MPDZ: variants seen among roughly 807,000 people sequenced by gnomAD.
The protein encoded by MPDZ is multiple PDZ domain crumbs cell polarity complex component.
A neutral mutation model predicts 239.1 loss-of-function variants in MPDZ; 234 were observed. The ratio of observed to expected loss-of-function variants is 0.98; its 90% CI spans 0.88 to 1.09. The LOEUF (loss-of-function observed/expected upper bound fraction) is 1.09, where lower values mean the gene tolerates loss of function less well. MPDZ is among the 50% of genes least tolerant of loss of function. The pLI is 0.00. For missense variants in MPDZ, 3,175 were observed against 2,510.0 expected (o/e 1.26, Z -5.66); for synonymous variants, 1,048 against 881.3 (o/e 1.19, Z -3.35).
intron 19 of MPDZ, among the ~76,000 whole-genome samples, chr9:13,176,954 G>A (rs1002303427): frequency 1.8e-4 from 28 of 152,040 alleles, no homozygotes; most frequent in African/African-American, 3.4e-4. Context: ...TCAAATTATC[G>A]TAGGAAAAAT....
In MPDZ at chr9:13,190,254, C is replaced by A. The variant is rs942965901; in HGVS notation, c.2014G>T (p.Asp672Tyr). The A allele has an allele frequency of 3.1e-6, 5 of 1,610,546 alleles. 1 individual carries two copies. The Admixed American group carries it at 6.7e-5, about 22-fold the overall frequency. Residue 672 changes from aspartate to tyrosine, a missense_variant, in exon 16 of 47, where the codon GAT (aspartate) becomes TAT (tyrosine). Physicochemically the swap from Asp to Tyr is radical, Grantham distance 160 (BLOSUM62 -3). Transcript: ENST00000319217. ...GEFIGSSETE[D>Y]PVLAMTDAGQ... ...GCATCAGTCATCGCCAGCACTGGATCCTCTGTCTCTGATGACCCGATGAAC... is the reference window on the plus strand; with the variant it reads ...GCATCAGTCATCGCCAGCACTGGATACTCTGTCTCTGATGACCCGATGAAC...
chr9:13,277,500 G>C lies in MPDZ; in HGVS notation c.-58+1900C>G, dbSNP rs186192186. 1.2e-4 allele frequency among the ~76,000 whole-genome samples: 18 copies of C among 152,220 alleles called. No individual in the cohort carries two copies. In the East Asian group the frequency reaches 3.3e-3, roughly 28 times the overall value. On this transcript the variant is annotated intron_variant, in intron 1 of 46. Transcript: ENST00000319217. ...AAGGGTACAGGTGCCTCCATCCAAA[G>C]CTTAGTATTGTATTAGAAGATCAAG...
At chr9:13,188,063 A>G (rs1370166200) in intron 17 of MPDZ, among the ~76,000 whole-genome samples, 1 of 152,114 alleles carries the variant, frequency 6.6e-6, no homozygotes, top group Non-Finnish European at 1.5e-5. Context: ...ACTTGAAGCC[A>G]CTCTGACAGA....
At chr9:13,141,088 T>A (rs2132505979) in intron 27 of MPDZ, 1 of 129,472 alleles carries the variant, frequency 7.7e-6, no homozygotes, top group Admixed American at 7.8e-5. Flanking sequence ...GGGTCATAGG[T>A]CCTATTTCGA....
chr9:13,150,785 A>C, intron 24 of MPDZ, 97 bp from the exon 25 acceptor site: 2 of 755,530 alleles, frequency 2.6e-6, no homozygotes, highest in Non-Finnish European at 3.7e-6. Flanking sequence ...TATAACACCA[A>C]AGGCACAGAG....
At position 13,267,931 on chromosome 9, in the gene MPDZ, C is replaced by T. The variant is rs191978216; in HGVS notation, c.-58+11469G>A. 8.5e-5 allele frequency among the ~76,000 whole-genome samples: 13 copies of T among 152,262 alleles called. No individual in the cohort carries two copies. In the East Asian group the frequency reaches 2.3e-3, roughly 27 times the overall value. ...ATCTCAAAGGAAGAACTTCAGCTCC[C>T]TTTTCCTTCACGCACAAAGTAGCAA... On this transcript the variant is annotated intron_variant, in intron 1 of 46. Transcript: ENST00000319217.
intron 19 of MPDZ, among the ~76,000 whole-genome samples, chr9:13,177,556 C>T (rs1952665010): frequency 6.6e-6 from 1 of 152,060 alleles, no homozygotes; most frequent in South Asian, 2.1e-4. Context: ...ACTTTTTTTG[C>T]AGTATCTTTT....
At chr9:13,244,720 T>C (rs1301145744) in intron 3 of MPDZ, among the ~76,000 whole-genome samples, 1 of 152,174 alleles carries the variant, frequency 6.6e-6, no homozygotes, top group East Asian at 1.9e-4. Flanking sequence ...GCAGTCTTAA[T>C]ACTGAAGAAG....
rs1239859894 is a variant in MPDZ at position 13,175,824 on chromosome 9, C to G, written c.2983G>C (p.Val995Leu). The change falls in exon 21 of 47, where the codon GTC becomes CTC. Residue 995 changes from valine to leucine, a missense_variant. Coordinates refer to ENST00000319217, the MANE Select transcript of MPDZ (RefSeq NM_001378778.1). ...TCTTTAGATACATTTTGAAGCATGA[C>G]ACACTCAGCATTACAGGCCAGGGAG... Reference protein sequence around the residue: ...QSSLACNAECVMLQNVSKESF... With the variant: ...QSSLACNAECLMLQNVSKESF... The G allele has an allele frequency of 1.3e-6, 2 of 1,590,192 alleles. No individual in the cohort carries two copies. Among genetic ancestry groups the G allele is most frequent in the South Asian group, 1.1e-5 (1 of 87,010 alleles).
rs1174939491 is a variant in MPDZ, at chr9:13,106,880, A to G, written c.*85T>C. On this transcript the variant is annotated 3_prime_UTR_variant, in exon 47 of 47. Transcript: ENST00000319217. ...CAGTTTTGAAGACCCGGCTGAACAC[A>G]GCATAAAAATTGTCAGGACCAGTGC... 1.4e-6 allele frequency: 2 copies of G among 1,458,828 alleles called. No individual in the cohort carries two copies. Among genetic ancestry groups the G allele is most frequent in the African/African-American group, 2.8e-5 (2 of 72,608 alleles). The allele number at this position is 1,458,828 out of a possible 1,614,324, so 90.4% of individuals were successfully genotyped here.
intron 1 of MPDZ, among the ~76,000 whole-genome samples, chr9:13,277,280 G>A (rs1004164802): frequency 4.6e-5 from 7 of 151,898 alleles, no homozygotes; most frequent in African/African-American, 7.3e-5. Context: ...ACTAGAGAAG[G>A]TAAGTGAAAA....
chr9:13,242,390 T>G (rs1271979716), intron 3 of MPDZ, among the ~76,000 whole-genome samples: 1 of 151,892 alleles, frequency 6.6e-6, no homozygotes, highest in African/African-American at 2.4e-5. Context: ...CACGCTCGGC[T>G]AATTTTTGTA....
chr9:13,150,766 T>C, intron 24 of MPDZ, 78 bp from the exon 25 acceptor site: 1 of 985,462 alleles, frequency 1.0e-6, no homozygotes, highest in Non-Finnish European at 1.3e-6. Context: ...TTGGCAATGA[T>C]TTCTTATATA....
chr9:13,125,490 G>A, intron 34 of MPDZ, 100 bp from the exon 35 acceptor site: 2 of 1,091,830 alleles, frequency 1.8e-6, no homozygotes, highest in Non-Finnish European at 2.6e-6. Flanking sequence ...TCTCTCTATG[G>A]TTAAGGGGAG....
At chr9:13,131,305 C>T (rs1478433287) in intron 32 of MPDZ, among the ~76,000 whole-genome samples, 1 of 152,068 alleles carries the variant, frequency 6.6e-6, no homozygotes, top group Non-Finnish European at 1.5e-5. Context: ...ATGGGGAACT[C>T]ACAAATTCAT....
chr9:13,124,989 T>C (rs1176027920), intron 35 of MPDZ, among the ~76,000 whole-genome samples: 2 of 152,116 alleles, frequency 1.3e-5, no homozygotes, highest in Non-Finnish European at 2.9e-5. Context: ...GTAGGTTTCC[T>C]AAGATGCCAC....
At position 13,110,638 on chromosome 9, in the gene MPDZ, G is replaced by T. The variant is rs1224016805; in HGVS notation, c.5827C>A (p.Gln1943Lys). 1 of 1,612,148 alleles carries T rather than the reference G, an allele frequency of 6.2e-7. No individual in the cohort carries two copies. Among genetic ancestry groups the T allele is most frequent in the Non-Finnish European group, 8.5e-7 (1 of 1,178,548 alleles). Residue 1943 changes from glutamine to lysine, a missense_variant and splice_region_variant, in exon 44 of 47, where the codon CAG (glutamine) becomes AAG (lysine). Physicochemically the swap from Gln to Lys is moderately conservative, Grantham distance 53 (BLOSUM62 1). Coordinates refer to ENST00000319217, the MANE Select transcript of MPDZ (RefSeq NM_001378778.1). Reference protein sequence around the residue: ...LKNASGSIEMQVVAGGDVSVV... With the variant: ...LKNASGSIEMKVVAGGDVSVV... ...TATGCTTGGGATAAAAATCTTACCT[G>T]CATTTCAATGGAGCCAGATGCATTT...
intron 1 of MPDZ, among the ~76,000 whole-genome samples, chr9:13,252,710 G>A (rs1314278741): frequency 1.3e-5 from 2 of 152,046 alleles, no homozygotes; most frequent in South Asian, 2.1e-4. Context: ...TTAGCTGGGC[G>A]TGGTGCATGT....
chr9:13,220,765 T>C lies in MPDZ; in HGVS notation c.876+607A>G, dbSNP rs72643460. 5.6e-3 allele frequency among the ~76,000 whole-genome samples: 852 copies of C among 152,160 alleles called. 49 individuals are homozygous for C. In the East Asian group the frequency reaches 0.14, roughly 25 times the overall value. On this transcript the variant is annotated intron_variant, in intron 7 of 46. Transcript: ENST00000319217. Reference sequence around the variant, plus strand: ...AACCACTTTATTTTTTAAAAAGTTATAATCAAGGCAAAACTTACTTAAACC... The same window carrying C: ...AACCACTTTATTTTTTAAAAAGTTACAATCAAGGCAAAACTTACTTAAACC...
Sources: allele counts gnomAD v4.1 joint callset (sites outside exome capture counted in the v4.1 genomes callset), GRCh38; gene constraint gnomAD v4.1.1; transcripts MANE v1.5; gene names NCBI Gene and HGNC (gene_info 2026-07-23, HGNC 2026-07-21).